Variants in SYT16 observed in about 807,000 individuals in gnomAD.
The protein encoded by SYT16 is synaptotagmin 16.
In SYT16, 42 loss-of-function variants were observed where a neutral mutation model predicts 61.4. The ratio of observed to expected loss-of-function variants is 0.68; its 90% confidence interval spans 0.53 to 0.89. SYT16 has a LOEUF of 0.89. Ranked by LOEUF, SYT16 falls within the 40% of genes least tolerant of loss-of-function variation. The probability of loss-of-function intolerance (pLI) is 0.00; values close to 1 mark genes in which losing one functional copy is unlikely to be tolerated. For missense variants in SYT16, 804 were observed against 807.3 expected (o/e 1.00, Z 0.05); for synonymous variants, 314 against 302.3 (o/e 1.04, Z -0.40).
chr14:61,999,625 A>G (rs141716908), intron 3 of SYT16, among the ~76,000 whole-genome samples: 2 of 151,418 alleles, frequency 1.3e-5, no homozygotes, highest in African/African-American at 4.8e-5. Flanking sequence ...AATTTCTGTT[A>G]TTATTATTTT....
intron 1 of SYT16, among the ~76,000 whole-genome samples, chr14:61,959,246 T>C (rs1405743065): frequency 6.6e-6 from 1 of 152,178 alleles, no homozygotes; most frequent in East Asian, 1.9e-4. Context: ...TTTAGTTCAC[T>C]TATGTTTAAT....
chr14:61,888,844 T>G (rs1231846838), intron 1 of SYT16, among the ~76,000 whole-genome samples: 1 of 152,186 alleles, frequency 6.6e-6, no homozygotes, highest in Non-Finnish European at 1.5e-5. Flanking sequence ...ATATCTATTT[T>G]TTTCTAAAAA....
At chr14:62,014,791 G>A (rs759321066) in intron 3 of SYT16, among the ~76,000 whole-genome samples, 1 of 151,938 alleles carries the variant, frequency 6.6e-6, no homozygotes, top group South Asian at 2.1e-4. Context: ...TTCCCCCTCC[G>A]AATGTTCATT....
At chr14:61,818,326 C>G (rs969081925) in intron 1 of SYT16, among the ~76,000 whole-genome samples, 1 of 152,164 alleles carries the variant, frequency 6.6e-6, no homozygotes, top group Admixed American at 6.5e-5. Flanking sequence ...CCCCTCTGTG[C>G]ATACTTCCCT....
At chr14:61,871,163 A>G (rs2047319778) in intron 1 of SYT16, among the ~76,000 whole-genome samples, 1 of 152,164 alleles carries the variant, frequency 6.6e-6, no homozygotes, top group Admixed American at 6.5e-5. Flanking sequence ...ATTTGGCCCT[A>G]CTAATGAGGC....
rs866032726 is a variant in SYT16, at chr14:62,081,257, C to G, written c.1417C>G (p.Pro473Ala). 6.2e-7 allele frequency: 1 copy of G among 1,613,494 alleles called. No individual in the cohort carries two copies. Among genetic ancestry groups the G allele is most frequent in the Non-Finnish European group, 8.5e-7 (1 of 1,179,690 alleles). The change falls in exon 6 of 8, where the codon CCA (proline) becomes GCA (alanine). Residue 473 changes from proline (P) to alanine (A), a missense_variant. By Grantham distance (27) the Pro-to-Ala change is conservative. Coordinates refer to ENST00000683842, the MANE Select transcript of SYT16 (RefSeq NM_001367656.1). ...GEMKVTLVLEPRSNISSGGSP... is the reference protein window; with the variant it reads ...GEMKVTLVLEARSNISSGGSP... ...AATGAAAGTGACTCTGGTTCTGGAGCCAAGAAGTAATATAAGCGTGAGTAT... is the reference window on the plus strand; with the variant it reads ...AATGAAAGTGACTCTGGTTCTGGAGGCAAGAAGTAATATAAGCGTGAGTAT...
chr14:61,943,608 A>G (rs999143482), intron 1 of SYT16, among the ~76,000 whole-genome samples: 1 of 152,222 alleles, frequency 6.6e-6, no homozygotes, highest in Non-Finnish European at 1.5e-5. Context: ...AATCGATCAC[A>G]TAAACAGAAC....
rs370045954 is a variant in SYT16 at position 62,019,146 on chromosome 14, C to T, written c.523+22604C>T. On this transcript the variant is annotated intron_variant, in intron 3 of 7. Coordinates refer to ENST00000683842, the MANE Select transcript of SYT16 (RefSeq NM_001367656.1). ...GAAGTTTTTCTTCACTTCACAATGC[C>T]TTAGAAAGAAGTAGGCCAAAGCTTG... is the stretch of plus-strand genomic sequence containing the variant. Among the ~76,000 whole-genome samples, 21 of 152,226 alleles carry T rather than the reference C, an allele frequency of 1.4e-4. No individual in the cohort carries two copies. The East Asian group carries it at 2.7e-3, about 20-fold the overall frequency.
At position 62,104,973 on chromosome 14, in the gene SYT16, C is replaced by T. The variant is rs1351945166; in HGVS notation, c.*4266C>T. On this transcript the variant is annotated 3_prime_UTR_variant, in exon 8 of 8. Transcript: ENST00000683842. ...TTTAAGATGTGTCTTCTTTTTCTAG[C>T]AAATGTTATTATAACACTAGAGAAA... The T allele has an allele frequency of 1.3e-5, 2 of 152,114 alleles. No individual in the cohort carries two copies. Among genetic ancestry groups the T allele is most frequent in the East Asian group, 3.8e-4 (2 of 5,200 alleles). The allele number at this position is 152,114 out of a possible 1,614,324, so 9.4% of individuals were successfully genotyped here.
chr14:61,961,567 C>T (rs1393376418), intron 1 of SYT16, among the ~76,000 whole-genome samples: 1 of 152,082 alleles, frequency 6.6e-6, no homozygotes, highest in Non-Finnish European at 1.5e-5. Flanking sequence ...CACAAAGTGA[C>T]ATCATCGTAT....
chr14:61,883,683 T>TGTA (rs1174493710), intron 1 of SYT16, among the ~76,000 whole-genome samples: 1 of 152,218 alleles, frequency 6.6e-6, no homozygotes, highest in African/African-American at 2.4e-5. Context: ...TGGATATCCT[T>TGTA]GTAGTAGTAC....
At chr14:61,936,101 C>G (rs2049970914) in intron 1 of SYT16, among the ~76,000 whole-genome samples, 1 of 152,096 alleles carries the variant, frequency 6.6e-6, no homozygotes, top group Admixed American at 6.5e-5. Flanking sequence ...ATATGAATCA[C>G]AATTTGCTTT....
intron 5 of SYT16, chr14:62,079,244 A>C: frequency 2.1e-6 from 1 of 474,974 alleles, no homozygotes; most frequent in Non-Finnish European, 3.0e-6. Context: ...GAAACTAAGT[A>C]CCTCTGAATA....
chr14:62,055,450 G>A (rs2055508110), intron 3 of SYT16, among the ~76,000 whole-genome samples: 1 of 152,156 alleles, frequency 6.6e-6, no homozygotes, highest in Non-Finnish European at 1.5e-5. Context: ...TGAGAAAGGA[G>A]GGCGCAGTGA....
rs1172516748 is a variant in SYT16, at chr14:62,106,375, G to C, written c.*5668G>C. Reference sequence around the variant, plus strand: ...TGGGGCAAGTGTCTAGGAAGCCTTGGACTGGCAGTGAGTCTTGGTTGCATT... The same window carrying C: ...TGGGGCAAGTGTCTAGGAAGCCTTGCACTGGCAGTGAGTCTTGGTTGCATT... On this transcript the variant is annotated 3_prime_UTR_variant, in exon 8 of 8. Transcript: ENST00000683842. 2.0e-5 allele frequency: 3 copies of C among 152,188 alleles called. No homozygotes were observed. The East Asian group carries it at 5.8e-4, about 29-fold the overall frequency. The allele number at this position is 152,188 out of a possible 1,614,324, so 9.4% of individuals were successfully genotyped here. A position where few individuals can be genotyped will look rare whatever the true frequency, so the allele number is the denominator to read the frequency against.
chr14:62,049,566 T>C (rs2055172123), intron 3 of SYT16, among the ~76,000 whole-genome samples: 3 of 152,256 alleles, frequency 2.0e-5, no homozygotes, highest in South Asian at 4.1e-4. Context: ...AGTTTCTTCC[T>C]AGCCTTGATG....
intron 1 of SYT16, among the ~76,000 whole-genome samples, chr14:61,844,947 G>A (rs1398299877): frequency 1.3e-5 from 2 of 150,042 alleles, no homozygotes; most frequent in Non-Finnish European, 3.0e-5. Context: ...TAGTTTGAGA[G>A]TTTGAGTAGG....
At chr14:62,007,915 T>TTTTTAAAAAATTATCTGAGC (rs2053288238) in intron 3 of SYT16, among the ~76,000 whole-genome samples, 1 of 152,106 alleles carries the variant, frequency 6.6e-6, no homozygotes, top group South Asian at 2.1e-4. Flanking sequence ...TGATAATTTT[T>TTTTTAAAAAATTATCTGAGC]TTTTAAAAAA....
In SYT16 at chr14:62,102,814, A is replaced by G. The variant is rs2057447029; in HGVS notation, c.*2107A>G. On this transcript the variant is annotated 3_prime_UTR_variant, in exon 8 of 8. Transcript: ENST00000683842. ...CTGCATCCTTGTTTCTTGGTACCCA[A>G]TAATCACCTATACTTCATTTTCTGT... The G allele has an allele frequency of 6.6e-6, 1 of 152,134 alleles. No individual in the cohort carries two copies. Among genetic ancestry groups the G allele is most frequent in the South Asian group, 2.1e-4 (1 of 4,826 alleles). The allele number at this position is 152,134 out of a possible 1,614,324, so 9.4% of individuals were successfully genotyped here.
Sources: allele counts gnomAD v4.1 joint callset (sites outside exome capture counted in the v4.1 genomes callset), GRCh38; gene constraint gnomAD v4.1.1; transcripts MANE v1.5; gene names NCBI Gene and HGNC (gene_info 2026-07-23, HGNC 2026-07-21).